Variants in GRXCR2 observed in about 807,000 individuals in gnomAD.
GRXCR2 encodes the protein glutaredoxin and cysteine rich domain containing 2, also known as glutaredoxin domain-containing cysteine-rich protein 2.
In GRXCR2, 23 loss-of-function variants were observed where a neutral mutation model predicts 24.8. That is an observed-to-expected ratio of 0.93 (90% CI 0.67 to 1.32). The LOEUF is 1.32. GRXCR2 is among the 40% of genes most tolerant of loss of function. The probability of loss-of-function intolerance (pLI) is 0.00; values close to 1 mark genes in which losing one functional copy is unlikely to be tolerated. For missense variants in GRXCR2, 315 were observed against 303.4 expected (o/e 1.04, Z -0.28); for synonymous variants, 130 against 116.1 (o/e 1.12, Z -0.77).
At chr5:145,926,342 A>C (rs977807547) in intron 2 of GRXCR2, among the ~76,000 whole-genome samples, 20 of 152,184 alleles carry the variant, frequency 1.3e-4, no homozygotes, top group Admixed American at 2.0e-4. Flanking sequence ...GTAATGATTT[A>C]AGCATTTTTA....
intron 2 of GRXCR2, among the ~76,000 whole-genome samples, chr5:145,884,285 G>T (rs1413890737): frequency 6.6e-6 from 1 of 152,024 alleles, no homozygotes; most frequent in Non-Finnish European, 1.5e-5. Context: ...TCATCAAAAA[G>T]TCAATATATC....
intron 2 of GRXCR2, among the ~76,000 whole-genome samples, chr5:145,923,627 T>A (rs1757355204): frequency 6.6e-6 from 1 of 152,214 alleles, no homozygotes; most frequent in Non-Finnish European, 1.5e-5. Context: ...CTCTCAAGGT[T>A]GTCACAGTCC....
At chr5:145,872,508 G>C (rs1447977290) in intron 1 of GRXCR2, 125 bp downstream of exon 1, 9 of 677,364 alleles carry the variant, frequency 1.3e-5, no homozygotes, top group Non-Finnish European at 2.2e-5. Flanking sequence ...CCCATTTGGT[G>C]CACCAACAGT....
intron 2 of GRXCR2, among the ~76,000 whole-genome samples, chr5:145,911,482 CACT>C (rs1380860265): frequency 6.6e-6 from 1 of 152,196 alleles, no homozygotes; most frequent in Non-Finnish European, 1.5e-5. Context: ...AAGCCGAGAA[CACT>C]ACTTGTAGAA....
intron 2 of GRXCR2, among the ~76,000 whole-genome samples, chr5:145,879,377 A>AAG (rs1371674647): frequency 6.6e-6 from 1 of 151,726 alleles, no homozygotes; most frequent in Non-Finnish European, 1.5e-5. Context: ...CAGCAAAAAA[A>AAG]AAAAAAAAAG....
In GRXCR2 at chr5:145,872,845, A is replaced by G. The variant is rs1756556386; in HGVS notation, c.124T>C (p.Leu42=). 6.2e-7 allele frequency: 1 copy of G among 1,614,082 alleles called. No homozygotes were observed. Among genetic ancestry groups the G allele is most frequent in the Non-Finnish European group, 8.5e-7 (1 of 1,180,006 alleles). ...LKQVFEDGQE[L]ESPKEEYPHS... is the part of the protein sequence containing the mutation. ...GGGTATTCCTCCTTTGGTGACTCTA[A>G]TTCCTGCCCATCCTCAAAGACCTGC... The change falls in exon 1 of 3, where the codon TTA becomes CTA. Residue 42 remains leucine, a synonymous_variant. Transcript: ENST00000377976.
intron 2 of GRXCR2, among the ~76,000 whole-genome samples, chr5:145,861,954 G>T (rs1263112203): frequency 6.6e-6 from 1 of 152,108 alleles, no homozygotes; most frequent in African/African-American, 2.4e-5. Context: ...CTCAAATCAG[G>T]TCTATGTACC....
intron 1 of GRXCR2, among the ~76,000 whole-genome samples, chr5:145,872,180 G>C (rs2149911944): frequency 6.6e-6 from 1 of 152,298 alleles, no homozygotes; most frequent in East Asian, 1.9e-4. Context: ...GGCAGTATGA[G>C]GAAGGCAATA....
At chr5:145,887,040 C>T (rs1291723586) in intron 2 of GRXCR2, among the ~76,000 whole-genome samples, 1 of 152,200 alleles carries the variant, frequency 6.6e-6, no homozygotes, top group African/African-American at 2.4e-5. Flanking sequence ...AAAAGTTTTT[C>T]AATAACTGAA....
At chr5:145,912,205 G>T (rs769468028) in intron 2 of GRXCR2, among the ~76,000 whole-genome samples, 1 of 152,172 alleles carries the variant, frequency 6.6e-6, no homozygotes, top group Admixed American at 6.5e-5. Context: ...GCGGACAAAG[G>T]TCATAATATC....
intron 2 of GRXCR2, among the ~76,000 whole-genome samples, chr5:145,882,381 A>C (rs1294670088): frequency 1.3e-5 from 2 of 152,248 alleles, no homozygotes; most frequent in Non-Finnish European, 2.9e-5. Context: ...GACACTTCTC[A>C]AAAGAAGACA....
At chr5:145,889,181 A>AAAGAAAGAAAGAAAGAAAGG (rs1756823158) in intron 2 of GRXCR2, among the ~76,000 whole-genome samples, 1 of 105,508 alleles carries the variant, frequency 9.5e-6, no homozygotes, top group Admixed American at 8.9e-5. Context: ...AAAAAGAAAG[A>AAAGAAAGAAAGAAAGAAAGG]AAGAAAGAAA....
upstream of GRXCR2, among the ~76,000 whole-genome samples, chr5:145,876,206 TATATATATATAC>T (rs1243035717): frequency 7.8e-5 from 11 of 141,402 alleles, no homozygotes; most frequent in Non-Finnish European, 1.4e-4. Context: ...TATATATATA[TATATATATATAC>T]ACACACACAC....
At chr5:145,868,349 T>C (rs1281323277) in intron 1 of GRXCR2, among the ~76,000 whole-genome samples, 6 of 152,204 alleles carry the variant, frequency 3.9e-5, no homozygotes, top group African/African-American at 1.4e-4. Flanking sequence ...TTAAAAGATA[T>C]TCAGCCAAAA....
intron 2 of GRXCR2, among the ~76,000 whole-genome samples, chr5:145,895,588 C>T (rs1378515706): frequency 6.6e-6 from 1 of 152,130 alleles, no homozygotes. Context: ...TGTGAAGGAC[C>T]TCTTCAAGGA....
At chr5:145,893,254 A>C (rs573001829) in intron 2 of GRXCR2, among the ~76,000 whole-genome samples, 1 of 152,320 alleles carries the variant, frequency 6.6e-6, no homozygotes, top group African/African-American at 2.4e-5. Context: ...CTAACATCAT[A>C]ATGACAGGAT....
chr5:145,896,227 G>A (rs1397709576), intron 2 of GRXCR2, among the ~76,000 whole-genome samples: 1 of 152,132 alleles, frequency 6.6e-6, no homozygotes, highest in Non-Finnish European at 1.5e-5. Context: ...CATGGGCAAG[G>A]ACTTCATGTC....
In GRXCR2 at chr5:145,859,776, C is replaced by A. The variant is rs776961131; in HGVS notation, c.704G>T (p.Cys235Phe). 56 of 1,614,230 alleles carry A rather than the reference C, an allele frequency of 3.5e-5. No individual in the cohort carries two copies. The highest frequency in any genetic ancestry group is 4.7e-5 in the Non-Finnish European group (56 of 1,180,034). Reference sequence around the variant, plus strand: ...GCAAGGCTGTAGGCCATTCTCATTGCAGGCAGGGCACCTCAGGGCCCGATA... The same window carrying A: ...GCAAGGCTGTAGGCCATTCTCATTGAAGGCAGGGCACCTCAGGGCCCGATA... ...ESYRALRCPA[C>F]NENGLQPCQI... The change falls in exon 3 of 3, where the codon TGC (cysteine) becomes TTC (phenylalanine). Residue 235 changes from cysteine (C) to phenylalanine (F), a missense_variant. By Grantham distance (205) the Cys-to-Phe change is radical. Coordinates refer to ENST00000377976, the MANE Select transcript of GRXCR2 (RefSeq NM_001080516.2).
chr5:145,872,666 A>C lies in GRXCR2; in HGVS notation c.303T>G (p.Pro101=). 1 of 1,607,516 alleles carries C rather than the reference A, an allele frequency of 6.2e-7. No individual in the cohort carries two copies. The highest frequency in any genetic ancestry group is 8.5e-7 in the Non-Finnish European group (1 of 1,174,946). The part of the protein sequence containing the change: ...GNAYTLAGGQ[P]RFNDYKANDH... Reference sequence around the variant, plus strand: ...CATTCGCCTTGTAATCGTTGAACCGAGGCTGGCCGCCTGCCAAGGTGTAGG... The same window carrying C: ...CATTCGCCTTGTAATCGTTGAACCGCGGCTGGCCGCCTGCCAAGGTGTAGG... Residue 101 remains proline, a synonymous_variant, in exon 1 of 3, where the codon CCT becomes CCG. Transcript: ENST00000377976.
Sources: gnomAD v4.1 joint callset for allele counts (sites outside exome capture counted in the v4.1 genomes callset) on GRCh38, gnomAD v4.1.1 for gene constraint, MANE v1.5 for transcripts, NCBI Gene and HGNC (gene_info 2026-07-23, HGNC 2026-07-21) for gene names.